Variants in TMC6 observed in about 807,000 individuals in gnomAD.
The protein encoded by TMC6 is transmembrane channel like 6.
Under a neutral mutation model 95.4 loss-of-function variants are expected in TMC6, and 71 were observed. The observed-to-expected ratio is 0.74, with a 90% CI of 0.61 to 0.91. TMC6 has a LOEUF of 0.91. Ranked by LOEUF, TMC6 falls within the 40% of genes least tolerant of loss-of-function variation. TMC6 has a pLI of 0.00. For missense variants in TMC6, 1,074 were observed against 1,079.1 expected (o/e 1.00, Z 0.07); for synonymous variants, 514 against 483.1 (o/e 1.06, Z -0.84).
At position 78,117,458 on chromosome 17, in the gene TMC6, C is replaced by T. The variant is rs775132108; in HGVS notation, c.2198+10G>A. 1.4e-5 allele frequency: 23 copies of T among 1,610,256 alleles called. No homozygotes were observed. In the South Asian group the frequency reaches 1.7e-4, roughly 12 times the overall value. On this transcript the variant is annotated intron_variant, in intron 17 of 19. Transcript: ENST00000590602. Reference sequence around the variant, plus strand: ...ATCTCCCCAGGGCCGCCCCCACCTGCGGGACTCACAGCAGCAGGGCTGACA... The same window carrying T: ...ATCTCCCCAGGGCCGCCCCCACCTGTGGGACTCACAGCAGCAGGGCTGACA...
rs2073784320 is a variant in TMC6 at position 78,109,605 on chromosome 17, T to A, written c.*3543A>T. Reference sequence around the variant, plus strand: ...GTGATCGTGCCACTGTGCTCCGGGATGGGCAACAGAAAGACCCCATCTCAA... The same window carrying A: ...GTGATCGTGCCACTGTGCTCCGGGAAGGGCAACAGAAAGACCCCATCTCAA... On this transcript the variant is annotated 3_prime_UTR_variant, in exon 20 of 20. Coordinates refer to ENST00000590602, the MANE Select transcript of TMC6 (RefSeq NM_001127198.5). 1 of 453,706 alleles carries A rather than the reference T, an allele frequency of 2.2e-6. No individual in the cohort carries two copies. Among genetic ancestry groups the A allele is most frequent in the Admixed American group, 2.4e-5 (1 of 42,308 alleles). The allele number at this position is 453,706 out of a possible 1,614,324, so 28.1% of individuals were successfully genotyped here.
rs1474065544 is a variant in TMC6 at position 78,123,981 on chromosome 17, G to A, written c.1082+8C>T. 1 of 1,613,706 alleles carries A rather than the reference G, an allele frequency of 6.2e-7. No individual in the cohort carries two copies. The highest frequency in any genetic ancestry group is 1.1e-5 in the South Asian group (1 of 91,080). On this transcript the variant is annotated splice_region_variant and intron_variant, in intron 9 of 19. Coordinates refer to ENST00000590602, the MANE Select transcript of TMC6 (RefSeq NM_001127198.5). Reference sequence around the variant, plus strand: ...CTCGGAGCCTGGGTCATGAGGTGGAGGCATTACCTGTACACCAGGGTGATG... The same window carrying A: ...CTCGGAGCCTGGGTCATGAGGTGGAAGCATTACCTGTACACCAGGGTGATG...
rs1440757641 is a variant in TMC6, at chr17:78,122,794, G to T, written c.1083-45C>A. 1 of 1,594,480 alleles carries T rather than the reference G, an allele frequency of 6.3e-7. No homozygotes were observed. The highest frequency in any genetic ancestry group is 1.3e-5 in the African/African-American group (1 of 74,608). The stretch of plus-strand genomic sequence containing the variant: ...GACATGGCAACCAACAAGCTGACGG[G>T]CAGAGGCCAAGGGGAGAAGGCAGAC... On this transcript the variant is annotated intron_variant, in intron 9 of 19. Transcript: ENST00000590602. This position sits in a 1 kb window ranked among gnomAD's most constrained non-coding sequence, Gnocchi z 4.9.
chr17:78,129,478 C>G (rs369778096), upstream of TMC6, among the ~76,000 whole-genome samples: 128 of 152,288 alleles, frequency 8.4e-4, no homozygotes, highest in African/African-American at 3.0e-3. The surrounding 1 kb of genome is among the most constrained non-coding windows in gnomAD (Gnocchi z 4.3). Flanking sequence ...CCTGGGAACT[C>G]TATGGAGGAA....
At position 78,119,359 on chromosome 17, in the gene TMC6, C is replaced by T; in HGVS notation, c.1749G>A (p.Arg583=). 6 of 1,614,050 alleles carry T rather than the reference C, an allele frequency of 3.7e-6. No homozygotes were observed. The highest frequency in any genetic ancestry group is 5.1e-6 in the Non-Finnish European group (6 of 1,180,034). The change falls in exon 14 of 20, where the codon CGG becomes CGA. Residue 583 remains arginine (R), a synonymous_variant. Coordinates refer to ENST00000590602, the MANE Select transcript of TMC6 (RefSeq NM_001127198.5). The part of the protein sequence containing the change: ...IISEKKLKRR[R]KPEFDIARNV... ...TCCGGGCAATGTCAAACTCCGGCTT[C>T]CGCCTCCTCTTCAGCTTCTTCTCGG... is the stretch of plus-strand genomic sequence containing the variant.
intron 18 of TMC6, among the ~76,000 whole-genome samples, chr17:78,115,604 C>T (rs532500528): frequency 6.8e-6 from 1 of 146,676 alleles, no homozygotes; most frequent in African/African-American, 2.5e-5. Flanking sequence ...AGGAGGTCCT[C>T]CTGGGCAGAG....
intron 15 of TMC6, 107 bp from the exon 16 acceptor site, chr17:78,118,042 A>T: frequency 2.6e-6 from 4 of 1,522,548 alleles, no homozygotes; most frequent in African/African-American, 1.4e-5. Context: ...GCGTCCAGGC[A>T]GAGCCTGGAC....
In TMC6 at chr17:78,112,173, C is replaced by A. The variant is rs1190772595; in HGVS notation, c.*975G>T. On this transcript the variant is annotated 3_prime_UTR_variant, in exon 20 of 20. Coordinates refer to ENST00000590602, the MANE Select transcript of TMC6 (RefSeq NM_001127198.5). ...AGGCTGACGGGCTGGTCCCCACAGA[C>A]CTGGAGCACTGGGGTCATGACGGGC... The A allele has an allele frequency of 4.1e-6, 1 of 243,656 alleles. No individual in the cohort carries two copies. The highest frequency in any genetic ancestry group is 1.8e-4 in the East Asian group (1 of 5,682). 15.1% of individuals were successfully genotyped at this position (243,656 alleles called of 1,614,324 possible).
chr17:78,125,621 C>T, intron 5 of TMC6, 105 bp downstream of exon 5: 2 of 1,484,424 alleles, frequency 1.3e-6, no homozygotes, highest in Non-Finnish European at 1.8e-6. Context: ...AGGAGAGGGG[C>T]CTCTGGCTCT....
Position 78,117,417 on chromosome 17 carries a change from A to G in TMC6, c.2198+51T>C, listed in dbSNP as rs1279825849. On this transcript the variant is annotated intron_variant, in intron 17 of 19. Coordinates refer to ENST00000590602, the MANE Select transcript of TMC6 (RefSeq NM_001127198.5). ...GGAGCGGCCAGTCCCCACACGGTGC[A>G]GGCCCAGCGAGGGCCATCTCCCCAG... 3.1e-6 allele frequency: 5 copies of G among 1,611,010 alleles called. No individual in the cohort carries two copies. The African/African-American group carries it at 6.7e-5, about 22-fold the overall frequency.
chr17:78,119,601 C>T lies in TMC6; in HGVS notation c.1716-209G>A, dbSNP rs111290437. On this transcript the variant is annotated intron_variant, in intron 13 of 19. Coordinates refer to ENST00000590602, the MANE Select transcript of TMC6 (RefSeq NM_001127198.5). ...CATCCTAAGTAGGTTCGGATACACC[C>T]GGAGTTAAACAAGCAGTATCAGCTC... Among the ~76,000 whole-genome samples, 166 of 152,310 alleles carry T rather than the reference C, an allele frequency of 1.1e-3. 3 individuals are homozygous for T. The highest frequency in any genetic ancestry group is 3.9e-3 in the African/African-American group (161 of 41,554).
rs769078576 is a variant in TMC6, at chr17:78,126,236, T to TCGGGGC, written c.271+35_271+40dup. 2.4e-5 allele frequency: 37 copies of TCGGGGC among 1,539,356 alleles called. No individual in the cohort carries two copies. The South Asian group carries it at 2.6e-4, about 11-fold the overall frequency. The stretch of plus-strand genomic sequence containing the variant: ...CCCAGCCCCAGGGACTGGGGTCAAC[T>TCGGGGC]CGGGGCCGGGGCCGAGGCCGAGGCT... On this transcript the variant is annotated intron_variant, in intron 4 of 19. Transcript: ENST00000590602.
intron 18 of TMC6, among the ~76,000 whole-genome samples, chr17:78,116,941 A>T (rs2074147792): frequency 1.3e-5 from 2 of 152,202 alleles, no homozygotes; most frequent in Admixed American, 1.3e-4. Context: ...AAAATGAGTG[A>T]AGAGTCCATA....
rs924917670 is a variant in TMC6, at chr17:78,107,900, T to C, written c.*5248A>G. ...TTTTTTGTGTTTCCTAGACATTTTA[T>C]GCATCTATTTTTGTAAAATCACCTT... On this transcript the variant is annotated 3_prime_UTR_variant, in exon 20 of 20. Transcript: ENST00000590602. 1.3e-5 allele frequency: 2 copies of C among 152,276 alleles called. No homozygotes were observed. Among genetic ancestry groups the C allele is most frequent in the Non-Finnish European group, 2.9e-5 (2 of 68,050 alleles). The allele number at this position is 152,276 out of a possible 1,614,324, so 9.4% of individuals were successfully genotyped here.
rs770367330 is a variant in TMC6, at chr17:78,121,760, C to T, written c.1228-49G>A. 29 of 1,533,414 alleles carry T rather than the reference C, an allele frequency of 1.9e-5. No individual in the cohort carries two copies. The highest frequency in any genetic ancestry group is 7.9e-5 in the Admixed American group (4 of 50,752). The allele number at this position is 1,533,414 out of a possible 1,614,324, so 95.0% of individuals were successfully genotyped here. On this transcript the variant is annotated intron_variant, in intron 10 of 19. Transcript: ENST00000590602. The surrounding 1 kb of genome is among the most constrained non-coding windows in gnomAD (Gnocchi z 5.6). ...TCACCCACACCAGAGCACGGGCACA[C>T]GCAGACGTGCAGACACAGCACAACA...
chr17:78,120,258 C>T (rs1037885376), intron 13 of TMC6: 2 of 363,466 alleles, frequency 5.5e-6, no homozygotes, highest in South Asian at 2.1e-5. Context: ...TTCCCAGGTT[C>T]AAGCGATTCT....
chr17:78,119,519 A>G (rs1236440191), intron 13 of TMC6, 127 bp from the exon 14 acceptor site: 9 of 941,078 alleles, frequency 9.6e-6, no homozygotes, highest in Non-Finnish European at 1.5e-5. Context: ...AGATAATGCC[A>G]AGAAGAGACA....
intron 15 of TMC6, 146 bp from the exon 16 acceptor site, chr17:78,118,081 G>A (rs2074223871): frequency 3.6e-6 from 5 of 1,392,334 alleles, no homozygotes; most frequent in Non-Finnish European, 3.8e-6. Flanking sequence ...CTCATTTACA[G>A]AGGAAGACAG....
intron 15 of TMC6, among the ~76,000 whole-genome samples, chr17:78,118,513 G>A (rs548712457): frequency 1.1e-4 from 16 of 151,804 alleles, no homozygotes; most frequent in East Asian, 1.9e-4. Flanking sequence ...CCGAGATTGC[G>A]CCACTGCACT....
Sources: allele counts gnomAD v4.1 joint callset (sites outside exome capture counted in the v4.1 genomes callset), GRCh38; gene constraint gnomAD v4.1.1; non-coding constraint Gnocchi (gnomAD v3.1); transcripts MANE v1.5; gene names NCBI Gene and HGNC (gene_info 2026-07-23, HGNC 2026-07-21).